Variants in TATDN1 observed in about 807,000 individuals in gnomAD.
TATDN1 encodes deoxyribonuclease TATDN1.
TATDN1 carries 40 observed loss-of-function variants against 46.4 expected under a neutral mutation model. The observed-to-expected ratio is 0.86, with a 90% CI of 0.67 to 1.12. The LOEUF is 1.12. Among genes scored for constraint, TATDN1 ranks in the 50% most tolerant of loss-of-function variants. The pLI, the probability that TATDN1 is intolerant of heterozygous loss-of-function variation, is 0.00. For synonymous variants in TATDN1, 95 were observed against 105.6 expected (o/e 0.90, Z 0.62); for missense variants, 326 against 348.4 (o/e 0.94, Z 0.51).
At chr8:124,488,726 A>G in intron 11 of TATDN1, 30 bp from the exon 12 acceptor site, 2 of 1,265,138 alleles carry the variant, frequency 1.6e-6, no homozygotes, top group Middle Eastern at 1.9e-4. Context: ...AAAATGGTTA[A>G]ATCTCCAAGT....
At chr8:124,522,269 G>A (rs953197480) in intron 2 of TATDN1, 69 bp from the exon 3 acceptor site, 18 of 882,986 alleles carry the variant, frequency 2.0e-5, no homozygotes, top group Non-Finnish European at 3.3e-5. Context: ...TTTAGCTTCT[G>A]TGCAAATGGC....
chr8:124,533,124 C>T (rs1474131778), intron 1 of TATDN1, among the ~76,000 whole-genome samples: 1 of 151,846 alleles, frequency 6.6e-6, no homozygotes, highest in African/African-American at 2.4e-5. Context: ...TGGTGGCAGG[C>T]GCCTGTAGTC....
At chr8:124,527,480 G>C (rs1820597358) in intron 1 of TATDN1, among the ~76,000 whole-genome samples, 2 of 152,104 alleles carry the variant, frequency 1.3e-5, no homozygotes, top group Admixed American at 1.3e-4. Flanking sequence ...AGAGGAGTGA[G>C]TCTTGTTTCT....
chr8:124,521,768 C>A, intron 3 of TATDN1: 1 of 159,838 alleles, frequency 6.3e-6, no homozygotes, highest in Non-Finnish European at 1.4e-5. Flanking sequence ...AATGGTATGC[C>A]CAAACTATAA....
chr8:124,492,077 C>CAG (rs1817054553), intron 11 of TATDN1, among the ~76,000 whole-genome samples: 1 of 151,618 alleles, frequency 6.6e-6, no homozygotes, highest in South Asian at 2.1e-4. Context: ...CAGGTTCAAG[C>CAG]GATTCTCCTG....
chr8:124,529,779 G>A (rs1343621817), intron 1 of TATDN1, among the ~76,000 whole-genome samples: 1 of 152,180 alleles, frequency 6.6e-6, no homozygotes, highest in Non-Finnish European at 1.5e-5. Flanking sequence ...TGTCTATCCA[G>A]TAGTTCATAG....
At chr8:124,517,244 A>G (rs1819554570) in intron 4 of TATDN1, among the ~76,000 whole-genome samples, 1 of 152,166 alleles carries the variant, frequency 6.6e-6, no homozygotes, top group Admixed American at 6.5e-5. Context: ...CCTGACCAAC[A>G]TGGTGAAACC....
At chr8:124,500,782 A>G (rs1314667977) in intron 9 of TATDN1, among the ~76,000 whole-genome samples, 1 of 151,924 alleles carries the variant, frequency 6.6e-6, no homozygotes, top group Non-Finnish European at 1.5e-5. Flanking sequence ...CCAAACTTAC[A>G]GGGAGAAAAC....
At chr8:124,521,491 CAAAT>C (rs969637289) in intron 3 of TATDN1, 1 of 152,032 alleles carries the variant, frequency 6.6e-6, no homozygotes, top group Admixed American at 6.6e-5. Flanking sequence ...TGAATAATAA[CAAAT>C]AAAAGTTTAG....
chr8:124,492,751 C>CAAAA (rs397892964), intron 11 of TATDN1, among the ~76,000 whole-genome samples: 48 of 72,226 alleles, frequency 6.6e-4, no homozygotes, highest in South Asian at 4.8e-3. Context: ...AAGATGGTCT[C>CAAAA]AAAAAAAAAA....
chr8:124,522,326 G>T, intron 2 of TATDN1, 126 bp from the exon 3 acceptor site: 1 of 680,524 alleles, frequency 1.5e-6, no homozygotes, highest in Non-Finnish European at 2.6e-6. Flanking sequence ...CAGGTAAGAA[G>T]ACCTTAATTA....
At chr8:124,516,557 GCCTGGCCTC>G (rs1819491552) in intron 4 of TATDN1, among the ~76,000 whole-genome samples, 1 of 151,696 alleles carries the variant, frequency 6.6e-6, no homozygotes, top group Non-Finnish European at 1.5e-5. Context: ...CGATCCACCT[GCCTGGCCTC>G]CCAAAGTGCT....
chr8:124,509,716 A>G (rs930944720), intron 6 of TATDN1, among the ~76,000 whole-genome samples: 3 of 152,184 alleles, frequency 2.0e-5, no homozygotes, highest in African/African-American at 4.8e-5. Context: ...CTAAATTTTA[A>G]AATTAGAAAT....
intron 9 of TATDN1, among the ~76,000 whole-genome samples, chr8:124,503,684 T>TAGA (rs1398140393): frequency 2.0e-5 from 3 of 152,202 alleles, no homozygotes; most frequent in Non-Finnish European, 4.4e-5. Flanking sequence ...AAGTCACTGG[T>TAGA]AGAAGCTCTT....
At chr8:124,504,493 T>C in intron 8 of TATDN1, 146 bp from the exon 9 acceptor site, 1 of 439,466 alleles carries the variant, frequency 2.3e-6, no homozygotes, top group East Asian at 3.6e-5. Context: ...GCTATAATTT[T>C]TATTTTCATA....
chr8:124,490,220 AG>A (rs1816848278), intron 11 of TATDN1: 1 of 152,356 alleles, frequency 6.6e-6, no homozygotes, highest in East Asian at 1.9e-4. Context: ...ATCGCTTATA[AG>A]AAATCTATTG....
chr8:124,525,840 G>C (rs1477859499), intron 1 of TATDN1, among the ~76,000 whole-genome samples: 1 of 152,078 alleles, frequency 6.6e-6, no homozygotes, highest in African/African-American at 2.4e-5. Context: ...TGAAAACAAA[G>C]CCACTCAAAA....
intron 4 of TATDN1, among the ~76,000 whole-genome samples, chr8:124,517,937 C>T (rs1819630272): frequency 1.3e-5 from 2 of 151,966 alleles, no homozygotes; most frequent in South Asian, 4.1e-4. Flanking sequence ...GTTGGCTGGG[C>T]ACGGTGGCTC....
In TATDN1 at chr8:124,515,774, G is replaced by T. The variant is rs1302174647; in HGVS notation, c.361C>A (p.Gln121Lys). ...GECGLDFDRL[Q>K]FCPKDTQLKY... ...AGTTGAGTATCTTTGGGACAAAACT[G>T]CAGTCGGTCAAAATCTTTAAAAAGA... Residue 121 changes from glutamine (Q) to lysine (K), a missense_variant, in exon 6 of 12, where the codon CAG (glutamine) becomes AAG (lysine). Physicochemically the swap from Gln to Lys is moderately conservative, Grantham distance 53 (BLOSUM62 1). Transcript: ENST00000276692. 6.2e-7 allele frequency: 1 copy of T among 1,613,680 alleles called. No individual in the cohort carries two copies. Among genetic ancestry groups the T allele is most frequent in the Admixed American group, 1.7e-5 (1 of 59,974 alleles).
Sources: allele counts gnomAD v4.1 joint callset (sites outside exome capture counted in the v4.1 genomes callset), GRCh38; gene constraint gnomAD v4.1.1; transcripts MANE v1.5; gene names NCBI Gene and HGNC (gene_info 2026-07-23, HGNC 2026-07-21).